The following RNF4 variants were observed in gnomAD, a reference collection of about 807,000 sequenced individuals.
RNF4 encodes the protein ring finger protein 4, also known as E3 ubiquitin-protein ligase RNF4.
RNF4 carries 7 observed loss-of-function variants against 24.3 expected under a neutral mutation model. That is an observed-to-expected ratio of 0.29 (90% CI 0.16 to 0.54). The LOEUF (loss-of-function observed/expected upper bound fraction) is 0.54, where lower values mean the gene tolerates loss of function less well. RNF4 is among the 20% of genes least tolerant of loss of function. The probability of loss-of-function intolerance (pLI) is 0.95; values close to 1 mark genes in which losing one functional copy is unlikely to be tolerated. For synonymous variants in RNF4, 83 were observed against 84.3 expected (o/e 0.98, Z 0.09); for missense variants, 209 against 248.5 (o/e 0.84, Z 1.07).
In RNF4 at chr4:2,483,003, G is replaced by A. The variant is rs373647437; in HGVS notation, c.-157-7334G>A. Among the ~76,000 whole-genome samples, 7 of 152,288 alleles carry A rather than the reference G, an allele frequency of 4.6e-5. No homozygotes were observed. In the South Asian group the frequency reaches 1.5e-3, roughly 32 times the overall value. On this transcript the variant is annotated intron_variant, in intron 1 of 7. Transcript: ENST00000314289. ...AAACATTGGTTCCAGTTCCTCCTGG[G>A]GTGAAGGTTTGTTTTGCCTTTATTT...
intron 4 of RNF4, among the ~76,000 whole-genome samples, chr4:2,509,438 G>A (rs1439446151): frequency 6.6e-6 from 1 of 151,860 alleles, no homozygotes; most frequent in African/African-American, 2.4e-5. Context: ...GGCTGGTCTC[G>A]AACTCCTGAC....
In RNF4 at chr4:2,514,243, T is replaced by A. The variant is rs1019737452; in HGVS notation, c.*424T>A. On this transcript the variant is annotated 3_prime_UTR_variant, in exon 8 of 8. Coordinates refer to ENST00000314289, the MANE Select transcript of RNF4 (RefSeq NM_002938.5). ...ACACATTGACCAAGCCAGACCCGGTTCACCCAGCTCGAGGATCCCAGGTTG... is the reference window on the plus strand; with the variant it reads ...ACACATTGACCAAGCCAGACCCGGTACACCCAGCTCGAGGATCCCAGGTTG... 2 of 190,344 alleles carry A rather than the reference T, an allele frequency of 1.1e-5. No individual in the cohort carries two copies. The highest frequency in any genetic ancestry group is 2.2e-5 in the Non-Finnish European group (2 of 89,902). 11.8% of individuals were successfully genotyped at this position (190,344 alleles called of 1,614,324 possible).
chr4:2,484,309 C>G (rs1297920341), intron 1 of RNF4, among the ~76,000 whole-genome samples: 2 of 151,922 alleles, frequency 1.3e-5, no homozygotes, highest in East Asian at 3.9e-4. Context: ...CCCACTGCCC[C>G]TTTTCAGCTG....
chr4:2,496,196 G>C (rs1421724653), intron 2 of RNF4, among the ~76,000 whole-genome samples: 1 of 152,172 alleles, frequency 6.6e-6, no homozygotes, highest in East Asian at 1.9e-4. Flanking sequence ...AATCACAGTT[G>C]ATAGTGCCCT....
intron 1 of RNF4, among the ~76,000 whole-genome samples, chr4:2,481,842 G>T (rs1365313000): frequency 3.3e-5 from 5 of 152,122 alleles, no homozygotes; most frequent in Non-Finnish European, 7.4e-5. Context: ...CAAGTAGCTG[G>T]GACTACAGTC....
In RNF4 at chr4:2,473,680, G is replaced by A. The variant is rs746067068; in HGVS notation, c.-158+4422G>A. Among the ~76,000 whole-genome samples, 21 of 152,076 alleles carry A rather than the reference G, an allele frequency of 1.4e-4. 1 individual carries two copies. The highest frequency in any genetic ancestry group is 2.1e-4 in the South Asian group (1 of 4,806). ...CAAAAAATTAGCAGGGCGTGGTGGCGCACGCCTGTAATCCTAGCTACTCTG... is the reference window on the plus strand; with the variant it reads ...CAAAAAATTAGCAGGGCGTGGTGGCACACGCCTGTAATCCTAGCTACTCTG... On this transcript the variant is annotated intron_variant, in intron 1 of 7. Transcript: ENST00000314289.
intron 1 of RNF4, among the ~76,000 whole-genome samples, chr4:2,479,020 A>G (rs973043892): frequency 2.0e-5 from 3 of 152,152 alleles, no homozygotes; most frequent in Non-Finnish European, 2.9e-5. Flanking sequence ...GGCCATGGGA[A>G]CTCACCTCTT....
intron 1 of RNF4, among the ~76,000 whole-genome samples, chr4:2,489,002 G>A (rs570946613): frequency 7.9e-5 from 12 of 151,932 alleles, no homozygotes; most frequent in South Asian, 2.1e-4. Context: ...TAGTAGAGAC[G>A]GGGTTTCACC....
Position 2,514,097 on chromosome 4 carries a change from G to A in RNF4, c.*278G>A, listed in dbSNP as rs1019748648. 6 of 408,410 alleles carry A rather than the reference G, an allele frequency of 1.5e-5. No homozygotes were observed. The highest frequency in any genetic ancestry group is 1.2e-4 in the African/African-American group (6 of 50,720). The allele number at this position is 408,410 out of a possible 1,614,324, so 25.3% of individuals were successfully genotyped here. ...AGGCGCATTGGGAATCGTGGTTCCAGTCTGGTTGCAGAATCTGCACATTTG... is the reference window on the plus strand; with the variant it reads ...AGGCGCATTGGGAATCGTGGTTCCAATCTGGTTGCAGAATCTGCACATTTG... On this transcript the variant is annotated 3_prime_UTR_variant, in exon 8 of 8. Transcript: ENST00000314289.
At chr4:2,513,575 A>T in intron 7 of RNF4, 95 bp from the exon 8 acceptor site, 1 of 1,447,650 alleles carries the variant, frequency 6.9e-7, no homozygotes, top group Non-Finnish European at 9.5e-7. Context: ...TCCTTTAATT[A>T]GTCATCTTAG....
chr4:2,491,083 A>G (rs967122745), intron 2 of RNF4, among the ~76,000 whole-genome samples: 1 of 152,116 alleles, frequency 6.6e-6, no homozygotes, highest in African/African-American at 2.4e-5. Flanking sequence ...TCTATAAAGT[A>G]TTTGCAACCC....
At chr4:2,490,247 G>A in intron 1 of RNF4, 90 bp from the exon 2 acceptor site, 2 of 486,570 alleles carry the variant, frequency 4.1e-6, no homozygotes, top group Non-Finnish European at 7.4e-6. Flanking sequence ...AATAACCTAG[G>A]GACAGGAAGG....
chr4:2,503,361 T>C (rs531826696), intron 4 of RNF4, among the ~76,000 whole-genome samples: 2 of 152,134 alleles, frequency 1.3e-5, no homozygotes, highest in South Asian at 2.1e-4. Context: ...ACCAGGAATA[T>C]TGGTGTTGAG....
At chr4:2,509,579 G>A (rs1339091003) in intron 4 of RNF4, among the ~76,000 whole-genome samples, 3 of 152,030 alleles carry the variant, frequency 2.0e-5, no homozygotes, top group Non-Finnish European at 4.4e-5. Flanking sequence ...TTAAAAGCGG[G>A]GACAGTCAGA....
intron 4 of RNF4, among the ~76,000 whole-genome samples, chr4:2,510,724 G>A (rs545634330): frequency 6.6e-6 from 1 of 152,346 alleles, no homozygotes; most frequent in Non-Finnish European, 1.5e-5. Context: ...GGGCTTTGGT[G>A]GTGAGAACTT....
At chr4:2,484,389 C>T (rs1214571328) in intron 1 of RNF4, among the ~76,000 whole-genome samples, 1 of 152,046 alleles carries the variant, frequency 6.6e-6, no homozygotes, top group African/African-American at 2.4e-5. Context: ...TAACACTCTT[C>T]CTGTTTCCTG....
At chr4:2,485,560 C>T (rs1199784045) in intron 1 of RNF4, among the ~76,000 whole-genome samples, 1 of 152,140 alleles carries the variant, frequency 6.6e-6, no homozygotes, top group Non-Finnish European at 1.5e-5. Flanking sequence ...TGGCCTCATT[C>T]TTGCAGAGTA....
intron 1 of RNF4, among the ~76,000 whole-genome samples, chr4:2,472,527 G>A (rs1734936995): frequency 6.6e-6 from 1 of 151,096 alleles, no homozygotes; most frequent in Admixed American, 6.6e-5. Context: ...CAAAGCTGGT[G>A]GATCGCTTGA....
Position 2,511,941 on chromosome 4 carries a change from C to T in RNF4, c.205-15C>T. 1.2e-6 allele frequency: 2 copies of T among 1,602,520 alleles called. No homozygotes were observed. Among genetic ancestry groups the T allele is most frequent in the Non-Finnish European group, 1.7e-6 (2 of 1,174,110 alleles). ...TTGCTTCTTTCTCTTTTGTTTTTCTCCTTCTGTTTACAAGATTGTTGACGG... is the reference window on the plus strand; with the variant it reads ...TTGCTTCTTTCTCTTTTGTTTTTCTTCTTCTGTTTACAAGATTGTTGACGG... On this transcript the variant is annotated splice_polypyrimidine_tract_variant and intron_variant, in intron 4 of 7. Transcript: ENST00000314289.
Sources: allele counts gnomAD v4.1 joint callset (sites outside exome capture counted in the v4.1 genomes callset), GRCh38; gene constraint gnomAD v4.1.1; transcripts MANE v1.5; gene names NCBI Gene and HGNC (gene_info 2026-07-23, HGNC 2026-07-21).